The following NELL2 variants were observed in gnomAD, a reference collection of about 807,000 sequenced individuals.
NELL2 encodes protein kinase C-binding protein NELL2.
In NELL2, 41 loss-of-function variants were observed where a neutral mutation model predicts 109.6. The observed-to-expected ratio is 0.37, with a 90% CI of 0.29 to 0.49. NELL2 has a LOEUF of 0.49. NELL2 is among the 20% of genes least tolerant of loss of function. The pLI is 0.98. For missense variants in NELL2, 900 were observed against 1,008.3 expected (o/e 0.89, Z 1.45); for synonymous variants, 355 against 344.7 (o/e 1.03, Z -0.33).
chr12:44,560,046 T>C (rs1001506094), intron 15 of NELL2, among the ~76,000 whole-genome samples: 2 of 152,104 alleles, frequency 1.3e-5, no homozygotes, highest in African/African-American at 2.4e-5. Flanking sequence ...CACAACTATA[T>C]GGAAACTGAA....
chr12:44,662,786 G>A (rs1947790992), intron 13 of NELL2, among the ~76,000 whole-genome samples: 1 of 152,092 alleles, frequency 6.6e-6, no homozygotes, highest in Non-Finnish European at 1.5e-5. Context: ...TTCCACATGG[G>A]ATAAGCAACT....
At position 44,876,230 on chromosome 12, in the gene NELL2, G is replaced by A. The variant is rs1566580872; in HGVS notation, c.-361C>T. 3 of 1,172,150 alleles carry A rather than the reference G, an allele frequency of 2.6e-6. No individual in the cohort carries two copies. The highest frequency in any genetic ancestry group is 3.2e-6 in the Non-Finnish European group (3 of 947,392). 72.6% of individuals were successfully genotyped at this position (1,172,150 alleles called of 1,614,324 possible). On this transcript the variant is annotated 5_prime_UTR_variant, in exon 1 of 20. Coordinates refer to ENST00000429094, the MANE Select transcript of NELL2 (RefSeq NM_001145108.2). ...GACTCGCACACCCGGTAGAAGGGGG[G>A]CGGCCCCAAGAAAGCCCGGGCTGGG...
chr12:44,825,362 A>G (rs1943675959), intron 2 of NELL2, among the ~76,000 whole-genome samples: 1 of 130,044 alleles, frequency 7.7e-6, no homozygotes, highest in Non-Finnish European at 1.7e-5. Context: ...TTTTATAGCT[A>G]TTATAAATCA....
At chr12:44,783,359 G>T (rs12231281) in intron 3 of NELL2, among the ~76,000 whole-genome samples, 2 of 151,034 alleles carry the variant, frequency 1.3e-5, no homozygotes, top group African/African-American at 4.9e-5. Context: ...AAATCAAGTA[G>T]AAGTAAGGAA....
At chr12:44,558,250 C>A (rs915778103) in intron 15 of NELL2, among the ~76,000 whole-genome samples, 1 of 152,136 alleles carries the variant, frequency 6.6e-6, no homozygotes, top group African/African-American at 2.4e-5. Flanking sequence ...GAGCTCTAAT[C>A]CAATTTCACT....
At chr12:44,871,226 C>T (rs541445531) in intron 2 of NELL2, among the ~76,000 whole-genome samples, 2 of 152,278 alleles carry the variant, frequency 1.3e-5, no homozygotes, top group African/African-American at 4.8e-5. Flanking sequence ...TGAGACTCCC[C>T]TAACTAAAAT....
At chr12:44,563,691 T>C in intron 15 of NELL2, among the ~76,000 whole-genome samples, 1 of 152,226 alleles carries the variant, frequency 6.6e-6, no homozygotes, top group East Asian at 1.9e-4. Flanking sequence ...TCTAGTGCCC[T>C]GGGGCCATCA....
rs747092375 is a variant in NELL2 at position 44,541,900 on chromosome 12, T to A, written c.1664-9179A>T. Among the ~76,000 whole-genome samples the A allele has an allele frequency of 7.9e-5, 12 of 152,214 alleles. No homozygotes were observed. The South Asian group carries it at 1.4e-3, about 18-fold the overall frequency. ...CTTAAGCAATGAAAGTTTAAGTATTTTTTTACAAAATTATTTAGGGGCAAA... is the reference window on the plus strand; with the variant it reads ...CTTAAGCAATGAAAGTTTAAGTATTATTTTACAAAATTATTTAGGGGCAAA... On this transcript the variant is annotated intron_variant, in intron 15 of 19. Coordinates refer to ENST00000429094, the MANE Select transcript of NELL2 (RefSeq NM_001145108.2).
chr12:44,695,288 C>T (rs1328773535), intron 12 of NELL2, among the ~76,000 whole-genome samples: 1 of 128,140 alleles, frequency 7.8e-6, no homozygotes, highest in African/African-American at 3.2e-5. Context: ...GAGACTCCGT[C>T]TCAAAAAAAA....
chr12:44,541,281 A>G (rs1942557173), intron 15 of NELL2, among the ~76,000 whole-genome samples: 1 of 151,224 alleles, frequency 6.6e-6, no homozygotes, highest in East Asian at 1.9e-4. Context: ...AAAAAAAGAA[A>G]TAGAGATAAT....
chr12:44,753,488 C>T (rs58017703), intron 9 of NELL2, among the ~76,000 whole-genome samples: 4,433 of 152,174 alleles, frequency 0.029, 220 homozygotes, highest in African/African-American at 0.099. Context: ...TGGCTCAAAA[C>T]GCAGCAAAGC....
chr12:44,557,097 G>T (rs1943286088), intron 15 of NELL2, among the ~76,000 whole-genome samples: 1 of 152,186 alleles, frequency 6.6e-6, no homozygotes, highest in African/African-American at 2.4e-5. Context: ...AGAAGCAGAT[G>T]ATGCACTCCC....
chr12:44,586,660 G>T (rs1212440152), intron 15 of NELL2, among the ~76,000 whole-genome samples: 1 of 152,156 alleles, frequency 6.6e-6, no homozygotes, highest in Non-Finnish European at 1.5e-5. Flanking sequence ...ATAAAACAGA[G>T]ATACTTTTTC....
chr12:44,818,899 C>T (rs1477981862), intron 2 of NELL2, among the ~76,000 whole-genome samples: 3 of 150,628 alleles, frequency 2.0e-5, no homozygotes, highest in Non-Finnish European at 4.4e-5. Flanking sequence ...CCCGCCACCG[C>T]GCCCAGCTAA....
chr12:44,677,106 C>G (rs1301714942), intron 12 of NELL2, among the ~76,000 whole-genome samples: 3 of 152,000 alleles, frequency 2.0e-5, no homozygotes, highest in Non-Finnish European at 4.4e-5. Context: ...GGAAAAGTAG[C>G]CAGGTGAGAT....
rs1234733336 is a variant in NELL2, at chr12:44,617,636, G to C, written c.1445-6666C>G. Among the ~76,000 whole-genome samples the C allele has an allele frequency of 2.3e-5, 2 of 87,952 alleles. 1 individual carries two copies. The highest frequency in any genetic ancestry group is 1.6e-4 in the African/African-American group (2 of 12,416). The allele number at this position is 87,952 out of a possible 152,430, so 57.7% of individuals were successfully genotyped here. On this transcript the variant is annotated intron_variant, in intron 13 of 19. Coordinates refer to ENST00000429094, the MANE Select transcript of NELL2 (RefSeq NM_001145108.2). ...GAACCTGGGAGGCGGAGCTTGCAGTGAGCCGAGATCCCGCCACTGCACTCC... is the reference window on the plus strand; with the variant it reads ...GAACCTGGGAGGCGGAGCTTGCAGTCAGCCGAGATCCCGCCACTGCACTCC...
At chr12:44,630,282 T>G (rs554322816) in intron 13 of NELL2, among the ~76,000 whole-genome samples, 1 of 152,230 alleles carries the variant, frequency 6.6e-6, no homozygotes, top group Non-Finnish European at 1.5e-5. Flanking sequence ...CCCTATGAAA[T>G]AGTATTGTTA....
chr12:44,776,126 T>C lies in NELL2; in HGVS notation c.787A>G (p.Asn263Asp), dbSNP rs1344595408. 1.2e-6 allele frequency: 2 copies of C among 1,613,836 alleles called. No homozygotes were observed. The highest frequency in any genetic ancestry group is 2.7e-5 in the African/African-American group (2 of 74,914). Residue 263 changes from asparagine (N) to aspartate (D), a missense_variant, in exon 8 of 20, where the codon AAT (asparagine) becomes GAT (aspartate). This residue lies in a region of NELL2 where 292 missense variants were observed against 265.3 expected (regional missense o/e 1.10). Transcript: ENST00000429094. ...AKLSRAEQRMNRLDQCYCERT... is the reference protein window; with the variant it reads ...AKLSRAEQRMDRLDQCYCERT... ...TCACAATAGCACTGATCCAATCTAT[T>C]CATTCGCTGTTCAGCTCGAGACAGC... is the stretch of plus-strand genomic sequence containing the variant.
At chr12:44,795,286 AAT>A (rs148605351) in intron 3 of NELL2, among the ~76,000 whole-genome samples, 2,202 of 152,266 alleles carry the variant, frequency 0.014, 52 homozygotes, top group African/African-American at 0.05. Flanking sequence ...TCTAGTGCCA[AAT>A]ATATATTATC....
Sources: gnomAD v4.1 joint callset for allele counts (sites outside exome capture counted in the v4.1 genomes callset) on GRCh38, gnomAD v4.1.1 for gene constraint, gnomAD v4.1.1 regional missense constraint, MANE v1.5 for transcripts, NCBI Gene and HGNC (gene_info 2026-07-23, HGNC 2026-07-21) for gene names.